The following SAG variants were observed in gnomAD, a reference collection of about 807,000 sequenced individuals.
SAG encodes the protein S-arrestin.
In SAG, 45 loss-of-function variants were observed where a neutral mutation model predicts 55.0. That is an observed-to-expected ratio of 0.82 (90% CI 0.64 to 1.05). The LOEUF (loss-of-function observed/expected upper bound fraction) is 1.05, where lower values mean the gene tolerates loss of function less well. Among genes scored for constraint, SAG ranks in the 50% least tolerant of loss-of-function variants. The pLI, the probability that SAG is intolerant of heterozygous loss-of-function variation, is 0.00. For missense variants in SAG, 455 were observed against 512.1 expected, an observed-to-expected ratio of 0.89 and a Z score of 1.08; for synonymous variants, 189 against 197.4, an observed-to-expected ratio of 0.96 and a Z score of 0.36.
At chr2:233,346,458 G>C (rs750191279) in intron 15 of SAG, 46 bp downstream of exon 15, 1 of 1,603,308 alleles carries the variant, frequency 6.2e-7, no homozygotes, top group Admixed American at 1.7e-5. Flanking sequence ...CTATGCTCTG[G>C]GACCTTCTCC....
chr2:233,324,832 C>T (rs975744002), intron 6 of SAG, among the ~76,000 whole-genome samples: 5 of 152,054 alleles, frequency 3.3e-5, no homozygotes, highest in African/African-American at 1.2e-4. Context: ...ATGACAAGGG[C>T]AGTGTTTTTG....
In SAG at chr2:233,322,796, T is replaced by G. The variant is rs541981879; in HGVS notation, c.376-150T>G. 189 of 603,786 alleles carry G rather than the reference T, an allele frequency of 3.1e-4. No homozygotes were observed. The South Asian group carries it at 3.9e-3, about 12-fold the overall frequency. The allele number at this position is 603,786 out of a possible 1,614,324, so 37.4% of individuals were successfully genotyped here. A position where few individuals can be genotyped will look rare whatever the true frequency, so the allele number is the denominator to read the frequency against. ...AATTTTGGGAAGGTTATGTTAGCAA[T>G]ATGTATTTGGGTGTCAGGAGTATAG... On this transcript the variant is annotated intron_variant, in intron 5 of 15. Coordinates refer to ENST00000409110, the MANE Select transcript of SAG (RefSeq NM_000541.5).
intron 10 of SAG, chr2:233,331,984 A>G (rs1700781253): frequency 4.5e-6 from 2 of 445,942 alleles, no homozygotes; most frequent in East Asian, 4.3e-5. Context: ...AAATGTCACC[A>G]TGGGATCAGC....
rs183067388 is a variant in SAG, at chr2:233,335,027, A to G, written c.872A>G (p.Asn291Ser). 5.8e-5 allele frequency: 94 copies of G among 1,614,058 alleles called. No individual in the cohort carries two copies. The African/African-American group carries it at 7.3e-4, about 13-fold the overall frequency. ...TLTLLPLLAN[N>S]RERRGIALDG... ...ACGCTGCTGCCCTTGCTGGCTAACA[A>G]TCGAGAAAGGAGAGGCATTGCCCTG... Residue 291 changes from asparagine to serine, a missense_variant, in exon 11 of 16, where the codon AAT becomes AGT. Transcript: ENST00000409110.
In SAG at chr2:233,309,193, G is replaced by A; in HGVS notation, c.4G>A (p.Ala2Thr). ...GAAGTTGCCAGGGACAGATAACATGGCAGCCAGCGGGAAGACCAGCAAGTC... is the reference window on the plus strand; with the variant it reads ...GAAGTTGCCAGGGACAGATAACATGACAGCCAGCGGGAAGACCAGCAAGTC... Reference protein sequence around the residue: MAASGKTSKSEP... With the variant: MTASGKTSKSEP... Residue 2 changes from alanine (A) to threonine (T), a missense_variant, in exon 2 of 16, where the codon GCA (alanine) becomes ACA (threonine). Physicochemically the swap from Ala to Thr is moderately conservative, Grantham distance 58 (BLOSUM62 0). Coordinates refer to ENST00000409110, the MANE Select transcript of SAG (RefSeq NM_000541.5). 1 of 1,613,480 alleles carries A rather than the reference G, an allele frequency of 6.2e-7. No homozygotes were observed. Among genetic ancestry groups the A allele is most frequent in the African/African-American group, 1.3e-5 (1 of 75,010 alleles).
At chr2:233,323,675 A>C (rs539864009) in intron 6 of SAG, among the ~76,000 whole-genome samples, 50 of 152,302 alleles carry the variant, frequency 3.3e-4, no homozygotes, top group African/African-American at 1.1e-3. Context: ...TTAGACTTTT[A>C]AAGATAGCTT....
At chr2:233,310,127 A>G (rs1351983875) in intron 2 of SAG, among the ~76,000 whole-genome samples, 2 of 152,200 alleles carry the variant, frequency 1.3e-5, no homozygotes, top group Non-Finnish European at 2.9e-5. Context: ...AGGTGTGCCC[A>G]TGAACTTCCT....
At chr2:233,316,922 C>T (rs369852640) in intron 3 of SAG, among the ~76,000 whole-genome samples, 15 of 152,174 alleles carry the variant, frequency 9.9e-5, no homozygotes, top group African/African-American at 3.6e-4. Context: ...AATGTAGTGG[C>T]GAGATCTTGG....
At chr2:233,336,795 G>T (rs1351241320) in intron 11 of SAG, among the ~76,000 whole-genome samples, 1 of 152,036 alleles carries the variant, frequency 6.6e-6, no homozygotes, top group African/African-American at 2.4e-5. Context: ...CCCATTCAGC[G>T]CAAGGTAGAG....
intron 2 of SAG, among the ~76,000 whole-genome samples, chr2:233,314,424 G>A (rs899085342): frequency 3.3e-5 from 5 of 152,130 alleles, no homozygotes; most frequent in African/African-American, 1.2e-4. Flanking sequence ...TGCAGGCAAG[G>A]TGGGGACAAA....
In SAG at chr2:233,331,850, G is replaced by A. The variant is rs545378432; in HGVS notation, c.806+138G>A. 1.3e-4 allele frequency: 94 copies of A among 699,038 alleles called. 1 individual carries two copies. In the East Asian group the frequency reaches 2.1e-3, roughly 15 times the overall value. 43.3% of individuals were successfully genotyped at this position (699,038 alleles called of 1,614,324 possible). On this transcript the variant is annotated intron_variant, in intron 10 of 15. Transcript: ENST00000409110. ...CCACTTCCTTCCTCTTTCTCCCTTC[G>A]AGGGCTGCACAGAAAGTTAGCATCT...
intron 4 of SAG, 47 bp from the exon 5 acceptor site, chr2:233,320,583 T>C (rs777164886): frequency 6.9e-7 from 1 of 1,458,790 alleles, no homozygotes; most frequent in Admixed American, 2.4e-5. Context: ...TGGTGGTGGG[T>C]GCCAGGCCGA....
At chr2:233,322,809 G>A (rs1214758874) in intron 5 of SAG, 137 bp from the exon 6 acceptor site, 1 of 631,542 alleles carries the variant, frequency 1.6e-6, no homozygotes, top group East Asian at 2.8e-5. Flanking sequence ...GTATTTGGGT[G>A]TCAGGAGTAT....
At chr2:233,320,946 G>A (rs1700363759) in intron 5 of SAG, 123 bp downstream of exon 5, 7 of 800,080 alleles carry the variant, frequency 8.7e-6, no homozygotes, top group Non-Finnish European at 1.4e-5. Flanking sequence ...TTGCACCCTT[G>A]AAAGAAATTC....
chr2:233,310,182 C>T (rs183408091), intron 2 of SAG, among the ~76,000 whole-genome samples: 4 of 152,364 alleles, frequency 2.6e-5, no homozygotes, highest in Admixed American at 1.3e-4. Context: ...GATAGCTCCA[C>T]TCGAAAGCTT....
intron 5 of SAG, among the ~76,000 whole-genome samples, chr2:233,321,512 G>C (rs1700379643): frequency 6.6e-6 from 1 of 152,178 alleles, no homozygotes; most frequent in African/African-American, 2.4e-5. Context: ...GACACAAAAA[G>C]ACAAATACTC....
At chr2:233,338,163 C>G (rs184266548) in intron 11 of SAG, among the ~76,000 whole-genome samples, 1 of 151,954 alleles carries the variant, frequency 6.6e-6, no homozygotes, top group Non-Finnish European at 1.5e-5. Flanking sequence ...GCAAGACTGG[C>G]GCGGGGGGCG....
intron 14 of SAG, chr2:233,345,258 A>G (rs1701216675): frequency 6.6e-6 from 1 of 152,262 alleles, no homozygotes; most frequent in South Asian, 2.1e-4. Context: ...GTTAACAGAA[A>G]TTGAAAACTT....
intron 5 of SAG, among the ~76,000 whole-genome samples, chr2:233,321,404 C>A (rs535893452): frequency 1.7e-4 from 26 of 152,250 alleles, no homozygotes; most frequent in African/African-American, 6.3e-4. Context: ...ATATACACTT[C>A]CAAAGTTACA....
Sources: allele counts gnomAD v4.1 joint callset (sites outside exome capture counted in the v4.1 genomes callset), GRCh38; gene constraint gnomAD v4.1.1; transcripts MANE v1.5; gene names NCBI Gene and HGNC (gene_info 2026-07-23, HGNC 2026-07-21).